Variants in BUB1B observed in about 807,000 individuals in gnomAD.
BUB1B encodes mitotic checkpoint serine/threonine-protein kinase BUB1 beta.
A neutral mutation model predicts 137.7 loss-of-function variants in BUB1B; 86 were observed. That is an observed-to-expected ratio of 0.62 (90% CI 0.52 to 0.75). BUB1B has a LOEUF of 0.75. BUB1B is among the 30% of genes least tolerant of loss of function. The pLI, the probability that BUB1B is intolerant of heterozygous loss-of-function variation, is 0.00. For missense variants in BUB1B, 1,130 were observed against 1,236.9 expected, an observed-to-expected ratio of 0.91 and a Z score of 1.30; for synonymous variants, 420 against 417.9, an observed-to-expected ratio of 1.00 and a Z score of -0.06.
rs529393249 is a variant in BUB1B at position 40,216,575 on chromosome 15, T to A, written c.2679-921T>A. On this transcript the variant is annotated intron_variant, in intron 20 of 22. Transcript: ENST00000287598. ...TATATATATATATATATATATATTT[T>A]TTTTTTTTTTTAATTATAGTATAGT... is the stretch of plus-strand genomic sequence containing the variant. 8.4e-3 allele frequency among the ~76,000 whole-genome samples: 1,011 copies of A among 119,914 alleles called. 6 individuals carry two copies. The highest frequency in any genetic ancestry group is 0.034 in the African/African-American group (713 of 20,700). 78.7% of individuals were successfully genotyped at this position (119,914 alleles called of 152,430 possible). A position where few individuals can be genotyped will look rare whatever the true frequency, so the allele number is the denominator to read the frequency against.
chr15:40,175,413 T>A (rs2037213279), intron 4 of BUB1B, among the ~76,000 whole-genome samples: 1 of 151,962 alleles, frequency 6.6e-6, no homozygotes, highest in Non-Finnish European at 1.5e-5. Flanking sequence ...TAAAAAAAAA[T>A]TAAAAATAAT....
Position 40,206,355 on chromosome 15 carries a change from G to C in BUB1B, c.1906G>C (p.Glu636Gln), listed in dbSNP as rs2037636594. ...MSLKDLPSDP[E>Q]RLLPEEDLDV... ...CTTGAAGGATCTCCCTTCTGATCCT[G>C]AGAGACTGTTACCGGAAGAAGATCT... is the stretch of plus-strand genomic sequence containing the variant. Residue 636 changes from glutamate (E) to glutamine (Q), a missense_variant, in exon 15 of 23, where the codon GAG (glutamate) becomes CAG (glutamine). Coordinates refer to ENST00000287598, the MANE Select transcript of BUB1B (RefSeq NM_001211.6). The C allele has an allele frequency of 6.2e-7, 1 of 1,614,030 alleles. No homozygotes were observed. The highest frequency in any genetic ancestry group is 1.3e-5 in the African/African-American group (1 of 74,908).
intron 1 of BUB1B, among the ~76,000 whole-genome samples, chr15:40,164,671 T>TC (rs2037074562): frequency 6.6e-6 from 1 of 151,628 alleles, no homozygotes. Context: ...TCTTTTTTTT[T>TC]TTTTTTTTAA....
intron 4 of BUB1B, among the ~76,000 whole-genome samples, chr15:40,175,795 A>G (rs546920357): frequency 4.6e-5 from 7 of 152,250 alleles, no homozygotes; most frequent in African/African-American, 1.4e-4. Context: ...CCAGACAACT[A>G]TCTAGCCTGG....
rs201360106 is a variant in BUB1B, at chr15:40,165,078, G to A, written c.61G>A (p.Glu21Lys). 1.2e-6 allele frequency: 2 copies of A among 1,614,210 alleles called. No individual in the cohort carries two copies. Among genetic ancestry groups the A allele is most frequent in the Non-Finnish European group, 1.7e-6 (2 of 1,180,038 alleles). Residue 21 changes from glutamate to lysine, a missense_variant, in exon 2 of 23, where the codon GAA becomes AAA. Physicochemically the swap from Glu to Lys is moderately conservative, Grantham distance 56. Transcript: ENST00000287598. Reference protein sequence around the residue: ...LSEAMSLEGDEWELSKENVQP... With the variant: ...LSEAMSLEGDKWELSKENVQP... ...TGAAGCCATGTCCCTGGAGGGAGAT[G>A]AATGGGAACTGAGTAAAGAAAATGT...
chr15:40,209,270 A>C (rs1298923123), intron 16 of BUB1B, among the ~76,000 whole-genome samples: 1 of 152,214 alleles, frequency 6.6e-6, no homozygotes, highest in Non-Finnish European at 1.5e-5. Flanking sequence ...AATACAAAAA[A>C]ATTAGCCGGG....
chr15:40,186,740 C>T (rs983884667), intron 8 of BUB1B, among the ~76,000 whole-genome samples: 1 of 151,864 alleles, frequency 6.6e-6, no homozygotes. Flanking sequence ...CCACTGCGCC[C>T]AGCCCTAGTC....
rs181352808 is a variant in BUB1B, at chr15:40,212,621, C to G, written c.2508C>G (p.His836Gln). 19 of 1,613,416 alleles carry G rather than the reference C, an allele frequency of 1.2e-5. No homozygotes were observed. Among genetic ancestry groups the G allele is most frequent in the Admixed American group, 1.2e-4 (7 of 59,994 alleles). ...ATCAAGATGGCTGTATTGTTTGGCA[C>G]CAATATATAAACTGCTTCACCCTTC... ...YQYQDGCIVW[H>Q]QYINCFTLQD... Residue 836 changes from histidine (H) to glutamine (Q), a missense_variant, in exon 19 of 23, where the codon CAC becomes CAG. Coordinates refer to ENST00000287598, the MANE Select transcript of BUB1B (RefSeq NM_001211.6).
At chr15:40,192,656 G>A (rs181617865) in intron 8 of BUB1B, among the ~76,000 whole-genome samples, 3 of 152,220 alleles carry the variant, frequency 2.0e-5, no homozygotes, top group South Asian at 2.1e-4. Flanking sequence ...AGTATATGTA[G>A]CCTTTTCAAT....
At chr15:40,191,944 C>T (rs1212594943) in intron 8 of BUB1B, among the ~76,000 whole-genome samples, 1 of 151,934 alleles carries the variant, frequency 6.6e-6, no homozygotes, top group African/African-American at 2.4e-5. Context: ...AACTTTGTTC[C>T]TCTTTTTAAA....
intron 14 of BUB1B, among the ~76,000 whole-genome samples, chr15:40,205,471 T>G (rs1454744413): frequency 6.6e-6 from 1 of 152,168 alleles, no homozygotes; most frequent in Non-Finnish European, 1.5e-5. Context: ...ATAAAGAACT[T>G]TAGTGTTTAT....
chr15:40,177,027 A>G (rs1022674336), intron 5 of BUB1B, among the ~76,000 whole-genome samples: 1 of 152,204 alleles, frequency 6.6e-6, no homozygotes, highest in African/African-American at 2.4e-5. Flanking sequence ...CCAGACTGCC[A>G]TATAAATGGA....
chr15:40,210,141 C>T lies in BUB1B; in HGVS notation c.2316C>T (p.Tyr772=). The change falls in exon 18 of 23, where the codon TAC becomes TAT. Residue 772 remains tyrosine, a synonymous_variant. Coordinates refer to ENST00000287598, the MANE Select transcript of BUB1B (RefSeq NM_001211.6). ...AGGATTACTGCATTAAACGAGAATA[C>T]CTAATATGTGAAGATTACAAGTTAT... ...GNEDYCIKRE[Y]LICEDYKLFW... 6.2e-7 allele frequency: 1 copy of T among 1,612,054 alleles called. No individual in the cohort carries two copies. Among genetic ancestry groups the T allele is most frequent in the Non-Finnish European group, 8.5e-7 (1 of 1,178,530 alleles).
rs533627944 is a variant in BUB1B at position 40,185,748 on chromosome 15, C to T, written c.1058+106C>T. 20 of 1,059,056 alleles carry T rather than the reference C, an allele frequency of 1.9e-5. No individual in the cohort carries two copies. The African/African-American group carries it at 3.1e-4, about 17-fold the overall frequency. 65.6% of individuals were successfully genotyped at this position (1,059,056 alleles called of 1,614,324 possible). ...TTCTTCTTTATGAAGATGAAAGTAA[C>T]CAGGCCAGGCGCAGTAGCTCACACC... On this transcript the variant is annotated intron_variant, in intron 8 of 22. Coordinates refer to ENST00000287598, the MANE Select transcript of BUB1B (RefSeq NM_001211.6).
At chr15:40,200,761 C>A (rs1372243030) in intron 11 of BUB1B, among the ~76,000 whole-genome samples, 170 bp from the exon 12 acceptor site, 1 of 152,168 alleles carries the variant, frequency 6.6e-6, no homozygotes, top group Non-Finnish European at 1.5e-5. Context: ...ATTTCTGCAA[C>A]ATTTTTGATA....
chr15:40,186,407 C>T (rs1265749322), intron 8 of BUB1B, among the ~76,000 whole-genome samples: 2 of 135,998 alleles, frequency 1.5e-5, no homozygotes, highest in Admixed American at 7.4e-5. Flanking sequence ...GAGATTTAGT[C>T]TAATGCTTAA....
intron 1 of BUB1B, among the ~76,000 whole-genome samples, chr15:40,164,471 T>C (rs2037072200): frequency 6.6e-6 from 1 of 151,878 alleles, no homozygotes; most frequent in African/African-American, 2.4e-5. Flanking sequence ...CAAGCACTTC[T>C]CCTGACTCAG....
intron 8 of BUB1B, among the ~76,000 whole-genome samples, chr15:40,188,873 A>G (rs1324625007): frequency 6.6e-6 from 1 of 151,756 alleles, no homozygotes; most frequent in Non-Finnish European, 1.5e-5. Context: ...GAGCCACTGC[A>G]CTCAGCCTTT....
rs1159029463 is a variant in BUB1B, at chr15:40,202,472, TG to T, written c.1628+8del. ...CAGAAAAGAAGAATAAAAGGTACGT[TG>T]TTTTTTTGTTTTTTTGGTTTTTTTT... is the stretch of plus-strand genomic sequence containing the variant. On this transcript the variant is annotated splice_region_variant and intron_variant, in intron 13 of 22. Coordinates refer to ENST00000287598, the MANE Select transcript of BUB1B (RefSeq NM_001211.6). 4 of 1,607,530 alleles carry T rather than the reference TG, an allele frequency of 2.5e-6. No individual in the cohort carries two copies. The highest frequency in any genetic ancestry group is 2.6e-6 in the Non-Finnish European group (3 of 1,175,048).
Sources: gnomAD v4.1 joint callset for allele counts (sites outside exome capture counted in the v4.1 genomes callset) on GRCh38, gnomAD v4.1.1 for gene constraint, MANE v1.5 for transcripts, NCBI Gene and HGNC (gene_info 2026-07-23, HGNC 2026-07-21) for gene names.